Variants in DCST1 observed in about 807,000 individuals in gnomAD.
DCST1 encodes the protein DC-STAMP domain containing 1.
In DCST1, 78 loss-of-function variants were observed where a neutral mutation model predicts 89.1. The ratio of observed to expected loss-of-function variants is 0.88; its 90% CI spans 0.73 to 1.06. DCST1 has a LOEUF of 1.06. Among genes scored for constraint, DCST1 ranks in the 50% least tolerant of loss-of-function variants. The probability of loss-of-function intolerance (pLI) is 0.00; values close to 1 mark genes in which losing one functional copy is unlikely to be tolerated. For missense variants in DCST1, 900 were observed against 928.6 expected (o/e 0.97, Z 0.40); for synonymous variants, 364 against 371.9 (o/e 0.98, Z 0.24).
rs542762950 is a variant in DCST1, at chr1:155,040,429, G to C, written c.392-56G>C. The C allele has an allele frequency of 7.9e-4, 1,221 of 1,547,074 alleles. 4 individuals carry two copies. The highest frequency in any genetic ancestry group is 7.8e-4 in the Admixed American group (41 of 52,624). On this transcript the variant is annotated intron_variant, in intron 5 of 16. Transcript: ENST00000295542. ...CTATTTGCAGAGGGAAGCTGAGCGG[G>C]TTTGAGAAAGTGCTGGTTATACAGG...
intron 4 of DCST1, among the ~76,000 whole-genome samples, chr1:155,035,980 T>C (rs1660269512): frequency 6.7e-6 from 1 of 150,262 alleles, no homozygotes; most frequent in Non-Finnish European, 1.5e-5. Flanking sequence ...CTTCACTGTC[T>C]TGGGCTGTGC....
intron 10 of DCST1, 187 bp from the exon 11 acceptor site, chr1:155,045,706 C>A (rs1169737032): frequency 3.3e-6 from 2 of 607,954 alleles, no homozygotes; most frequent in African/African-American, 1.9e-5. Flanking sequence ...TTCCTCTACA[C>A]AATTGGAAGG....
chr1:155,046,069 G>C, intron 11 of DCST1, 56 bp from the exon 12 acceptor site: 1 of 1,613,914 alleles, frequency 6.2e-7, no homozygotes, highest in Middle Eastern at 1.6e-4. Flanking sequence ...GGAAGGCAGA[G>C]AGGAAAGGGC....
chr1:155,049,211 T>A, intron 16 of DCST1: 1 of 611,590 alleles, frequency 1.6e-6, no homozygotes, highest in East Asian at 2.8e-5. Flanking sequence ...TTGCCTTCCA[T>A]AAAATGGGGT....
chr1:155,048,230 G>A lies in DCST1; in HGVS notation c.1869+60G>A, dbSNP rs1660724879. ...GGCTGGGTCTAAGTACAGCAGGCAA[G>A]GGGCAGCTCCCTTCAGTCCACCCAG... On this transcript the variant is annotated intron_variant, in intron 16 of 16. Coordinates refer to ENST00000295542, the MANE Select transcript of DCST1 (RefSeq NM_152494.4). 18 of 1,401,954 alleles carry A rather than the reference G, an allele frequency of 1.3e-5. No homozygotes were observed. In the South Asian group the frequency reaches 1.6e-4, roughly 13 times the overall value. The allele number at this position is 1,401,954 out of a possible 1,614,324, so 86.8% of individuals were successfully genotyped here. A position where few individuals can be genotyped will look rare whatever the true frequency, so the allele number is the denominator to read the frequency against.
At chr1:155,046,290 G>C in intron 12 of DCST1, 70 bp downstream of exon 12, 2 of 1,614,022 alleles carry the variant, frequency 1.2e-6, no homozygotes, top group Non-Finnish European at 1.7e-6. Context: ...GAGGGTAAAA[G>C]GCACCAGAGA....
intron 2 of DCST1, 145 bp downstream of exon 2, chr1:155,034,242 G>A (rs987629965): frequency 4.5e-6 from 7 of 1,540,112 alleles, no homozygotes; most frequent in Non-Finnish European, 6.2e-6. Flanking sequence ...TCCCAGCCCA[G>A]CCCTTGCCTT....
At chr1:155,046,527 C>T in intron 13 of DCST1, 41 bp downstream of exon 13, 1 of 1,605,796 alleles carries the variant, frequency 6.2e-7, no homozygotes, top group Non-Finnish European at 8.5e-7. Flanking sequence ...CCAAGAGACA[C>T]CCTCTGGAGA....
At position 155,045,908 on chromosome 1, in the gene DCST1, G is replaced by C; in HGVS notation, c.1188G>C (p.Met396Ile). The change falls in exon 11 of 17, where the codon ATG (methionine) becomes ATC (isoleucine). Residue 396 changes from methionine to isoleucine, a missense_variant. By Grantham distance (10) the Met-to-Ile change is conservative (BLOSUM62 1). Transcript: ENST00000295542. ...CCACCCACAGGTCTTTCTCCTACAT[G>C]GACAGCTATAACCATGACATTCGTT... ...LLVLHASFSY[M>I]DSYNHDIRFD... 1 of 1,614,098 alleles carries C rather than the reference G, an allele frequency of 6.2e-7. No individual in the cohort carries two copies. Among genetic ancestry groups the C allele is most frequent in the Non-Finnish European group, 8.5e-7 (1 of 1,179,950 alleles).
chr1:155,047,344 A>G (rs1207325238), intron 14 of DCST1, 32 bp downstream of exon 14: 8 of 1,587,844 alleles, frequency 5.0e-6, no homozygotes, highest in Non-Finnish European at 6.0e-6. Flanking sequence ...GATCAGAGGA[A>G]TCGAGGGCGG....
chr1:155,040,266 G>A (rs1436676971), intron 5 of DCST1, among the ~76,000 whole-genome samples: 3 of 143,944 alleles, frequency 2.1e-5, no homozygotes, highest in Admixed American at 7.2e-5. Context: ...TCGAGCCACT[G>A]CACTCCAGCC....
Position 155,043,422 on chromosome 1 carries a change from A to AC in DCST1, c.1086dup (p.Val363ArgfsTer38). On this transcript the variant is annotated frameshift_variant, in exon 10 of 17. Coordinates refer to ENST00000295542, the MANE Select transcript of DCST1 (RefSeq NM_152494.4). LOFTEE classifies it high-confidence loss of function. ...CGCGTGAGCACCGAGGTGCGGGACTACGTGTACCGCCAGGAGGCCCGGCTG... is the reference window on the plus strand; with the variant it reads ...CGCGTGAGCACCGAGGTGCGGGACTACCGTGTACCGCCAGGAGGCCCGGCTG... The AC allele has an allele frequency of 6.2e-7, 1 of 1,611,454 alleles. No homozygotes were observed. The highest frequency in any genetic ancestry group is 8.5e-7 in the Non-Finnish European group (1 of 1,178,328).
At position 155,050,839 on chromosome 1, in the gene DCST1, A is replaced by G; in HGVS notation, c.2092A>G (p.Ser698Gly). Residue 698 changes from serine to glycine, a missense_variant, in exon 17 of 17, where the codon AGC (serine) becomes GGC (glycine). Ser to Gly is a moderately conservative substitution (Grantham distance 56). Transcript: ENST00000295542. ...EELSSSAFSD[S>G]NDDTAYAG is the part of the protein sequence containing the mutation. ...GCTCTCTTCCTCCGCCTTTAGTGAC[A>G]GCAACGACGACACTGCCTACGCGGG... 1 of 1,612,408 alleles carries G rather than the reference A, an allele frequency of 6.2e-7. No individual in the cohort carries two copies. The highest frequency in any genetic ancestry group is 8.5e-7 in the Non-Finnish European group (1 of 1,179,072).
intron 4 of DCST1, among the ~76,000 whole-genome samples, chr1:155,038,811 T>C (rs1035538287): frequency 6.6e-6 from 1 of 152,242 alleles, no homozygotes; most frequent in African/African-American, 2.4e-5. Context: ...TTGTAGTCAC[T>C]TGTTTACTCA....
At chr1:155,034,292 C>T (rs758241068) in intron 2 of DCST1, 143 bp from the exon 3 acceptor site, 1 of 1,591,966 alleles carries the variant, frequency 6.3e-7, no homozygotes, top group Admixed American at 1.7e-5. Context: ...CAGGCTCCCT[C>T]ATCCTCCTCC....
chr1:155,038,582 C>G (rs1286087576), intron 4 of DCST1, among the ~76,000 whole-genome samples: 1 of 152,172 alleles, frequency 6.6e-6, no homozygotes, highest in Non-Finnish European at 1.5e-5. Flanking sequence ...TCCATCAACA[C>G]AGGAATCTTC....
intron 9 of DCST1, 83 bp from the exon 10 acceptor site, chr1:155,043,269 T>A (rs1660489621): frequency 1.9e-6 from 3 of 1,601,722 alleles, no homozygotes; most frequent in Non-Finnish European, 2.6e-6. Context: ...AGTGGGGTAC[T>A]GGGGAACAGA....
intron 4 of DCST1, among the ~76,000 whole-genome samples, chr1:155,037,436 G>A (rs1385357901): frequency 6.8e-6 from 1 of 147,546 alleles, no homozygotes; most frequent in Non-Finnish European, 1.5e-5. Flanking sequence ...CACATTGTTG[G>A]TCTTTTTTTT....
chr1:155,040,563 A>C lies in DCST1; in HGVS notation c.470A>C (p.Asn157Thr), dbSNP rs1434642531. Residue 157 changes from asparagine to threonine, a missense_variant, in exon 6 of 17, where the codon AAC becomes ACC. Transcript: ENST00000295542. ...LGCTVELQIN[N>T]TRAAWRISTA... is the part of the protein sequence containing the mutation. ...TGCACCGTGGAGCTGCAGATCAACA[A>C]CACCCGCGCAGCTTGGCGCATCTCC... The C allele has an allele frequency of 6.3e-7, 1 of 1,590,306 alleles. No homozygotes were observed. Among genetic ancestry groups the C allele is most frequent in the East Asian group, 2.3e-5 (1 of 44,078 alleles).
Sources: gnomAD v4.1 joint callset for allele counts (sites outside exome capture counted in the v4.1 genomes callset) on GRCh38, gnomAD v4.1.1 for gene constraint, MANE v1.5 for transcripts, NCBI Gene and HGNC (gene_info 2026-07-23, HGNC 2026-07-21) for gene names.